ADAMTSL1: variants seen among roughly 807,000 people sequenced by gnomAD.
ADAMTSL1 encodes ADAMTS like 1, also known as ADAMTS-like protein 1.
ADAMTSL1 carries 126 observed loss-of-function variants against 201.8 expected under a neutral mutation model. The observed-to-expected ratio is 0.62, with a 90% confidence interval of 0.54 to 0.72. The LOEUF is 0.72. ADAMTSL1 is among the 30% of genes least tolerant of loss of function. The probability of loss-of-function intolerance (pLI) is 0.00; values close to 1 mark genes in which losing one functional copy is unlikely to be tolerated. For missense variants in ADAMTSL1, 2,679 were observed against 2,277.8 expected (o/e 1.18, Z -3.59); for synonymous variants, 1,121 against 903.4 (o/e 1.24, Z -4.32).
chr9:18,823,722 C>T (rs986602760), intron 21 of ADAMTSL1, among the ~76,000 whole-genome samples: 5 of 152,164 alleles, frequency 3.3e-5, no homozygotes, highest in African/African-American at 1.2e-4. Context: ...GGCATGGTGG[C>T]TCGTGCCTGT....
intron 2 of ADAMTSL1, among the ~76,000 whole-genome samples, chr9:18,527,407 A>G (rs1819150597): frequency 6.6e-6 from 1 of 152,196 alleles, no homozygotes; most frequent in Non-Finnish European, 1.5e-5. Flanking sequence ...TGGCTATGTC[A>G]CCAGAAGGAT....
At chr9:18,007,668 T>C (rs905513477) in intron 1 of ADAMTSL1, among the ~76,000 whole-genome samples, 3 of 151,986 alleles carry the variant, frequency 2.0e-5, no homozygotes, top group African/African-American at 7.2e-5. Context: ...GGGATGATTA[T>C]GGCACTGAAG....
intron 1 of ADAMTSL1, among the ~76,000 whole-genome samples, chr9:18,082,954 T>C (rs879377025): frequency 2.0e-5 from 3 of 152,196 alleles, no homozygotes; most frequent in African/African-American, 4.8e-5. Flanking sequence ...AAAGGTAATA[T>C]GTCACAACCA....
chr9:17,969,212 A>G (rs1407591255), intron 1 of ADAMTSL1, among the ~76,000 whole-genome samples: 1 of 152,104 alleles, frequency 6.6e-6, no homozygotes, highest in Non-Finnish European at 1.5e-5. Flanking sequence ...GCCAGTTAAA[A>G]ATCTAATTTC....
intron 1 of ADAMTSL1, among the ~76,000 whole-genome samples, chr9:18,137,461 A>T (rs1167904873): frequency 6.6e-6 from 1 of 152,086 alleles, no homozygotes; most frequent in Non-Finnish European, 1.5e-5. Flanking sequence ...CTAACAGACT[A>T]ACATTGCAAG....
At chr9:18,502,112 G>A (rs1380562418) in intron 1 of ADAMTSL1, among the ~76,000 whole-genome samples, 2 of 152,208 alleles carry the variant, frequency 1.3e-5, no homozygotes, top group Non-Finnish European at 1.5e-5. Context: ...TGGCATTCGA[G>A]TGTTCTTATC....
chr9:18,031,332 CT>C (rs1361011596), intron 1 of ADAMTSL1, among the ~76,000 whole-genome samples: 1 of 151,952 alleles, frequency 6.6e-6, no homozygotes, highest in Admixed American at 6.6e-5. Flanking sequence ...TTTTTATATT[CT>C]TTTTTTCCTT....
chr9:18,805,046 T>A (rs1477501872), intron 20 of ADAMTSL1, among the ~76,000 whole-genome samples: 1 of 152,244 alleles, frequency 6.6e-6, no homozygotes, highest in Admixed American at 6.5e-5. Context: ...TTTTGTGTTT[T>A]AAACTGATAT....
intron 23 of ADAMTSL1, 81 bp from the exon 24 acceptor site, chr9:18,887,750 C>T: frequency 7.8e-7 from 1 of 1,276,058 alleles, no homozygotes; most frequent in African/African-American, 1.5e-5. Flanking sequence ...ATTTCTAGAG[C>T]CACACAGACA....
chr9:18,008,248 C>G (rs571378465), intron 1 of ADAMTSL1, among the ~76,000 whole-genome samples: 325 of 152,068 alleles, frequency 2.1e-3, no homozygotes, highest in African/African-American at 7.4e-3. Flanking sequence ...TAAATAAGTT[C>G]TTGCTGTTCA....
intron 7 of ADAMTSL1, among the ~76,000 whole-genome samples, chr9:18,653,580 A>C (rs1828429756): frequency 6.7e-6 from 1 of 150,102 alleles, no homozygotes; most frequent in African/African-American, 2.5e-5. Context: ...GTTTGAGACT[A>C]GCCTGGGCAA....
chr9:18,721,481 C>G, intron 14 of ADAMTSL1, 55 bp from the exon 15 acceptor site: 1 of 1,597,362 alleles, frequency 6.3e-7, no homozygotes, highest in Non-Finnish European at 8.5e-7. Flanking sequence ...ACTTCATCAC[C>G]CCCCACACAC....
rs547510308 is a variant in ADAMTSL1 at position 18,785,595 on chromosome 9, G to T, written c.3677+7689G>T. Among the ~76,000 whole-genome samples, 18 of 152,250 alleles carry T rather than the reference G, an allele frequency of 1.2e-4. No individual in the cohort carries two copies. In the South Asian group the frequency reaches 1.7e-3, roughly 14 times the overall value. On this transcript the variant is annotated intron_variant, in intron 19 of 28. Coordinates refer to ENST00000380548, the MANE Select transcript of ADAMTSL1 (RefSeq NM_001040272.6). ...GCAATATGAAGCTAAACTGTTCCTC[G>T]CTTTCAGTCATTCTATATAAACACT...
At chr9:18,110,816 T>C (rs1335798158) in intron 1 of ADAMTSL1, among the ~76,000 whole-genome samples, 1 of 152,144 alleles carries the variant, frequency 6.6e-6, no homozygotes, top group African/African-American at 2.4e-5. Context: ...AAGTAATAGT[T>C]AAGGGCAAAA....
chr9:18,242,364 A>T (rs1442906711), intron 2 of ADAMTSL1, among the ~76,000 whole-genome samples: 1 of 152,162 alleles, frequency 6.6e-6, no homozygotes, highest in Non-Finnish European at 1.5e-5. Context: ...AAATTCCTCA[A>T]CATAATAAAG....
chr9:18,173,300 A>G (rs1000776436), intron 2 of ADAMTSL1, among the ~76,000 whole-genome samples: 19 of 152,120 alleles, frequency 1.2e-4, no homozygotes, highest in Admixed American at 1.2e-3. Context: ...AAGATTTAAT[A>G]TATTTTTGCC....
At chr9:18,826,155 C>A in intron 21 of ADAMTSL1, 129 bp from the exon 22 acceptor site, 2 of 1,103,018 alleles carry the variant, frequency 1.8e-6, no homozygotes, top group Non-Finnish European at 1.3e-6. Flanking sequence ...CTGGCCAAAG[C>A]CTGGTAGAAG....
At position 18,667,250 on chromosome 9, in the gene ADAMTSL1, A is replaced by T. The variant is rs569607060; in HGVS notation, c.1085+5177A>T. ...TTTTTGTCCAGCTCCATTTAGTTTC[A>T]CAGTAAATTGCATAAATTGTCTCTG... is the stretch of plus-strand genomic sequence containing the variant. On this transcript the variant is annotated intron_variant, in intron 9 of 28. Coordinates refer to ENST00000380548, the MANE Select transcript of ADAMTSL1 (RefSeq NM_001040272.6). Among the ~76,000 whole-genome samples, 3 of 149,742 alleles carry T rather than the reference A, an allele frequency of 2.0e-5. No homozygotes were observed. In the South Asian group the frequency reaches 6.3e-4, roughly 32 times the overall value.
At chr9:18,036,264 C>T (rs1821190944) in intron 1 of ADAMTSL1, among the ~76,000 whole-genome samples, 1 of 152,146 alleles carries the variant, frequency 6.6e-6, no homozygotes, top group Admixed American at 6.5e-5. Flanking sequence ...AAAAGAGAGG[C>T]AGGGAAGAGG....
Sources: gnomAD v4.1 joint callset for allele counts (sites outside exome capture counted in the v4.1 genomes callset) on GRCh38, gnomAD v4.1.1 for gene constraint, MANE v1.5 for transcripts, NCBI Gene and HGNC (gene_info 2026-07-23, HGNC 2026-07-21) for gene names.